The following DOCK8 variants were observed in gnomAD, a reference collection of about 807,000 sequenced individuals.
DOCK8 encodes the protein dedicator of cytokinesis 8.
A neutral mutation model predicts 245.6 loss-of-function variants in DOCK8; 141 were observed. The observed-to-expected ratio is 0.57, with a 90% CI of 0.50 to 0.66. DOCK8 has a LOEUF of 0.66. Ranked by LOEUF, DOCK8 falls within the 30% of genes least tolerant of loss-of-function variation. DOCK8 has a pLI of 0.00. For synonymous variants in DOCK8, 1,168 were observed against 970.2 expected (o/e 1.20, Z -3.79); for missense variants, 2,965 against 2,603.4 (o/e 1.14, Z -3.02).
intron 1 of DOCK8, among the ~76,000 whole-genome samples, chr9:236,053 A>G (rs1372172933): frequency 6.6e-6 from 1 of 151,836 alleles, no homozygotes; most frequent in African/African-American, 2.4e-5. Flanking sequence ...TCCTCCCCTT[A>G]TTTATTTTTT....
chr9:306,538 C>T (rs1331252264), intron 5 of DOCK8, among the ~76,000 whole-genome samples: 1 of 152,032 alleles, frequency 6.6e-6, no homozygotes, highest in African/African-American at 2.4e-5. Context: ...TCTGAGAGAA[C>T]CAAAAGGGAA....
At chr9:365,500 A>G (rs867199045) in intron 14 of DOCK8, 2 of 431,900 alleles carry the variant, frequency 4.6e-6, no homozygotes, top group Admixed American at 2.8e-5. Context: ...AGAAGCATAT[A>G]TCATGCTTCT....
chr9:384,434 C>T (rs2053860762), intron 22 of DOCK8, among the ~76,000 whole-genome samples: 1 of 152,160 alleles, frequency 6.6e-6, no homozygotes, highest in Non-Finnish European at 1.5e-5. Flanking sequence ...CTTACAAATT[C>T]CAGCCACTTG....
rs1443109776 is a variant in DOCK8, at chr9:463,672, T to C, written c.6224T>C (p.Val2075Ala). ...GAACTGTACAAGCCAATATTCAGAG[T>C]TGAGAGTCAAAAGAGGTAAGAACAG... ...IPELYKPIFR[V>A]ESQKRDSFHR... The change falls in exon 47 of 48, where the codon GTT becomes GCT. Residue 2075 changes from valine to alanine, a missense_variant. Val to Ala is a moderately conservative substitution (Grantham distance 64, BLOSUM62 0). This residue lies in a region of DOCK8 where 134 missense variants were observed against 128.1 expected (regional missense o/e 1.05). Coordinates refer to ENST00000432829, the MANE Select transcript of DOCK8 (RefSeq NM_203447.4). The C allele has an allele frequency of 1.9e-6, 3 of 1,613,542 alleles. No individual in the cohort carries two copies. The highest frequency in any genetic ancestry group is 2.2e-5 in the South Asian group (2 of 91,066).
intron 1 of DOCK8, among the ~76,000 whole-genome samples, chr9:220,437 T>C (rs941030661): frequency 5.3e-5 from 8 of 152,154 alleles, no homozygotes; most frequent in African/African-American, 1.9e-4. Flanking sequence ...CAGGGAAAGA[T>C]GAAGAACTCA....
intron 2 of DOCK8, among the ~76,000 whole-genome samples, chr9:283,583 A>C (rs2048685004): frequency 6.6e-6 from 1 of 152,116 alleles, no homozygotes; most frequent in East Asian, 1.9e-4. Flanking sequence ...TTTCATGTCT[A>C]GCATTCTGTG....
intron 1 of DOCK8, among the ~76,000 whole-genome samples, chr9:259,210 G>A (rs1470848018): frequency 1.3e-5 from 2 of 152,050 alleles, no homozygotes; most frequent in Non-Finnish European, 2.9e-5. Flanking sequence ...GACTGAGGTA[G>A]GAGGATCTCG....
intron 1 of DOCK8, among the ~76,000 whole-genome samples, chr9:261,687 G>T (rs542827851): frequency 6.6e-6 from 1 of 152,114 alleles, no homozygotes; most frequent in Non-Finnish European, 1.5e-5. Context: ...TAGAACAGAA[G>T]TATGTTTGAA....
chr9:451,821 C>A (rs529277335), intron 45 of DOCK8, among the ~76,000 whole-genome samples, 190 bp from the exon 46 acceptor site: 1 of 149,720 alleles, frequency 6.7e-6, no homozygotes, highest in East Asian at 1.9e-4. Context: ...TTCTCCCAAG[C>A]AATTTAATTT....
rs1563925750 is a variant in DOCK8 at position 328,043 on chromosome 9, G to T, written c.916G>T (p.Asp306Tyr). 1 of 1,614,092 alleles carries T rather than the reference G, an allele frequency of 6.2e-7. No individual in the cohort carries two copies. Among genetic ancestry groups the T allele is most frequent in the South Asian group, 1.1e-5 (1 of 91,038 alleles). The change falls in exon 9 of 48, where the codon GAC (aspartate) becomes TAC (tyrosine). Residue 306 changes from aspartate to tyrosine, a missense_variant. Around this residue, in one of 3 missense-constraint regions of DOCK8, gnomAD observed 2,825 missense variants for 2,453.5 expected, o/e 1.15. Coordinates refer to ENST00000432829, the MANE Select transcript of DOCK8 (RefSeq NM_203447.4). Reference protein sequence around the residue: ...RKKISENFHCDLNSDQFKGFL... With the variant: ...RKKISENFHCYLNSDQFKGFL... ...ACAGATCTCAGAAAATTTTCACTGT[G>T]ACCTGAACTCTGACCAGTTCAAAGG...
intron 5 of DOCK8, among the ~76,000 whole-genome samples, chr9:309,158 A>T (rs751032754): frequency 4.5e-4 from 68 of 152,330 alleles, no homozygotes; most frequent in Non-Finnish European, 9.1e-4. Context: ...AAATTTCTAG[A>T]TTAAGGGATG....
At position 215,121 on chromosome 9, in the gene DOCK8, G is replaced by C. The variant is rs780244566; in HGVS notation, c.53+92G>C. ...CGCTGCAGGGGCCGAGGCCGGACGA[G>C]TCCATTCGCGTCCGCGGCGGGGCGC... On this transcript the variant is annotated intron_variant, in intron 1 of 47. Coordinates refer to ENST00000432829, the MANE Select transcript of DOCK8 (RefSeq NM_203447.4). 1.1e-4 allele frequency: 166 copies of C among 1,480,534 alleles called. No individual in the cohort carries two copies. The East Asian group carries it at 1.5e-3, about 13-fold the overall frequency. 91.7% of individuals were successfully genotyped at this position (1,480,534 alleles called of 1,614,324 possible).
chr9:214,223 C>A (rs1352911277), upstream of DOCK8: 9 of 420,560 alleles, frequency 2.1e-5, no homozygotes, highest in Non-Finnish European at 3.8e-5. Context: ...CAGTCTGAAA[C>A]TGAAATAAAC....
intron 43 of DOCK8, among the ~76,000 whole-genome samples, chr9:444,972 C>T (rs1257064728): frequency 1.3e-5 from 2 of 152,232 alleles, no homozygotes; most frequent in Admixed American, 6.5e-5. Context: ...AAGGTCCAAA[C>T]TCCCAGTTCC....
At chr9:443,617 C>G (rs753159839) in intron 43 of DOCK8, 101 bp downstream of exon 43, 1 of 939,516 alleles carries the variant, frequency 1.1e-6, no homozygotes, top group Non-Finnish European at 1.7e-6. Context: ...CTCCAAGTCA[C>G]TTAAATGCAG....
intron 36 of DOCK8, among the ~76,000 whole-genome samples, chr9:430,669 C>A (rs1448092657): frequency 1.9e-3 from 260 of 136,906 alleles, no homozygotes; most frequent in Middle Eastern, 0.011. Context: ...GACCCTGTCT[C>A]AAAAAAAAAA....
chr9:216,395 G>A (rs1052232124), intron 1 of DOCK8, among the ~76,000 whole-genome samples: 1 of 151,920 alleles, frequency 6.6e-6, no homozygotes, highest in African/African-American at 2.4e-5. Context: ...CATTAGCCAG[G>A]TGTGGTTGCA....
chr9:235,364 A>T (rs1393724663), intron 1 of DOCK8, among the ~76,000 whole-genome samples: 2 of 152,178 alleles, frequency 1.3e-5, no homozygotes, highest in Non-Finnish European at 1.5e-5. Context: ...TTGAGGAGGC[A>T]GTCTGCCCGT....
rs555521658 is a variant in DOCK8, at chr9:431,307, T to C, written c.4627-859T>C. Among the ~76,000 whole-genome samples, 21 of 152,316 alleles carry C rather than the reference T, an allele frequency of 1.4e-4. 1 individual carries two copies. In the South Asian group the frequency reaches 4.1e-3, roughly 30 times the overall value. ...CCATTTGTGGCCATGTTAATAAGTA[T>C]GCTCAAGTGATATATAAAGATAAAT... On this transcript the variant is annotated intron_variant, in intron 36 of 47. Coordinates refer to ENST00000432829, the MANE Select transcript of DOCK8 (RefSeq NM_203447.4).
Sources: gnomAD v4.1 joint callset for allele counts (sites outside exome capture counted in the v4.1 genomes callset) on GRCh38, gnomAD v4.1.1 for gene constraint, gnomAD v4.1.1 regional missense constraint, MANE v1.5 for transcripts, NCBI Gene and HGNC (gene_info 2026-07-23, HGNC 2026-07-21) for gene names.